The following FOSL1 variants were observed in gnomAD, a reference collection of about 807,000 sequenced individuals.
FOSL1 encodes the protein fos-related antigen 1.
A neutral mutation model predicts 24.9 loss-of-function variants in FOSL1; 14 were observed. The ratio of observed to expected loss-of-function variants is 0.56; its 90% confidence interval spans 0.37 to 0.88. FOSL1 has a LOEUF of 0.88. Among genes scored for constraint, FOSL1 ranks in the 40% least tolerant of loss-of-function variants. FOSL1 has a pLI of 0.00. For missense variants in FOSL1, 318 were observed against 359.8 expected (o/e 0.88, Z 0.94); for synonymous variants, 133 against 145.1 (o/e 0.92, Z 0.60).
chr11:65,893,892 C>T, intron 3 of FOSL1, 122 bp downstream of exon 3: 1 of 716,866 alleles, frequency 1.4e-6, no homozygotes, highest in Non-Finnish European at 2.5e-6. Flanking sequence ...ATCATTTTCC[C>T]AGAAGGACTG....
chr11:65,893,336 G>A (rs1860441249), intron 3 of FOSL1, 40 bp from the exon 4 acceptor site: 3 of 1,452,808 alleles, frequency 2.1e-6, no homozygotes, highest in Non-Finnish European at 1.8e-6. Context: ...GGTGAGGGCT[G>A]AATACCCCAG....
At chr11:65,898,725 G>T (rs999189298) in intron 1 of FOSL1, among the ~76,000 whole-genome samples, 1 of 152,190 alleles carries the variant, frequency 6.6e-6, no homozygotes, top group African/African-American at 2.4e-5. Context: ...TTGGGAGGCT[G>T]AGGTAGAAGG....
chr11:65,892,365 C>T lies in FOSL1; in HGVS notation c.*521G>A. Reference sequence around the variant, plus strand: ...CAAAGCTGAGATCCGCAGATCAGCTCATCACAGAAGCCAAGGGCGCCTCCT... The same window carrying T: ...CAAAGCTGAGATCCGCAGATCAGCTTATCACAGAAGCCAAGGGCGCCTCCT... On this transcript the variant is annotated 3_prime_UTR_variant, in exon 4 of 4. Transcript: ENST00000312562. 1 of 316,382 alleles carries T rather than the reference C, an allele frequency of 3.2e-6. No homozygotes were observed. The highest frequency in any genetic ancestry group is 2.5e-5 in the South Asian group (1 of 40,548). 19.6% of individuals were successfully genotyped at this position (316,382 alleles called of 1,614,324 possible). A position where few individuals can be genotyped will look rare whatever the true frequency, so the allele number is the denominator to read the frequency against.
intron 1 of FOSL1, among the ~76,000 whole-genome samples, chr11:65,899,110 A>G (rs1028994274): frequency 5.9e-5 from 9 of 152,100 alleles, no homozygotes; most frequent in Non-Finnish European, 7.4e-5. Context: ...CCCTGTTCCC[A>G]TTCTATCAGC....
At chr11:65,894,872 G>C (rs1180460994) in intron 2 of FOSL1, among the ~76,000 whole-genome samples, 1 of 151,884 alleles carries the variant, frequency 6.6e-6, no homozygotes, top group Middle Eastern at 3.2e-3. Flanking sequence ...GGCCAGGCTG[G>C]TCTTGAACTC....
chr11:65,893,321 A>G, intron 3 of FOSL1, 25 bp from the exon 4 acceptor site: 2 of 1,561,646 alleles, frequency 1.3e-6, no homozygotes, highest in South Asian at 2.3e-5. Flanking sequence ...GAGAGGAGTC[A>G]GAAAGGTGAG....
chr11:65,898,379 C>A (rs1270315578), intron 1 of FOSL1, among the ~76,000 whole-genome samples: 1 of 151,956 alleles, frequency 6.6e-6, no homozygotes, highest in African/African-American at 2.4e-5. Context: ...GAGACAGGGT[C>A]TCACTAGGTT....
chr11:65,900,543 GA>G, upstream of FOSL1: 2 of 385,964 alleles, frequency 5.2e-6, no homozygotes, highest in Non-Finnish European at 9.2e-6. Flanking sequence ...CGAACTTGGC[GA>G]CGCCTCCCCA....
At chr11:65,893,958 G>A in intron 3 of FOSL1, 56 bp downstream of exon 3, 1 of 1,220,880 alleles carries the variant, frequency 8.2e-7, no homozygotes. Context: ...CTGGGGCTCT[G>A]GGGGCTCTGG....
In FOSL1 at chr11:65,892,771, GAGA is replaced by G. The variant is rs1051568533; in HGVS notation, c.*112_*114del. ...TATGGTCAGTCTCATTAGAGGGATGGAGAAGAAGTTGCTGGAGTTGGATGTGGG... is the reference window on the plus strand; with the variant it reads ...TATGGTCAGTCTCATTAGAGGGATGGAGAAGTTGCTGGAGTTGGATGTGGG... On this transcript the variant is annotated 3_prime_UTR_variant, in exon 4 of 4. Transcript: ENST00000312562. The G allele has an allele frequency of 3.3e-5, 33 of 999,932 alleles. No homozygotes were observed. In the African/African-American group the frequency reaches 3.6e-4, roughly 11 times the overall value. The allele number at this position is 999,932 out of a possible 1,614,324, so 61.9% of individuals were successfully genotyped here. A position where few individuals can be genotyped will look rare whatever the true frequency, so the allele number is the denominator to read the frequency against.
chr11:65,897,956 G>A (rs1478862454), intron 1 of FOSL1, among the ~76,000 whole-genome samples: 2 of 150,062 alleles, frequency 1.3e-5, no homozygotes, highest in Non-Finnish European at 3.0e-5. Context: ...TGACCTGCGG[G>A]CTCAAGCAAT....
intron 2 of FOSL1, among the ~76,000 whole-genome samples, chr11:65,895,863 C>A (rs1180018939): frequency 6.6e-6 from 1 of 152,140 alleles, no homozygotes; most frequent in Non-Finnish European, 1.5e-5. Flanking sequence ...CCAAAATGCC[C>A]CAGGGAGAGG....
Position 65,894,072 on chromosome 11 carries a change from T to C in FOSL1, c.347A>G (p.Lys116Arg). 2 of 1,611,482 alleles carry C rather than the reference T, an allele frequency of 1.2e-6. No homozygotes were observed. Among genetic ancestry groups the C allele is most frequent in the Non-Finnish European group, 1.7e-6 (2 of 1,179,678 alleles). ...GTTCCTGCACTTGGCCGCAGCCAGC[T>C]TGTTCCGCTCGCGCCTTACTCGGCG... ...ERRRVRRERN[K>R]LAAAKCRNRR... The change falls in exon 3 of 4, where the codon AAG (lysine) becomes AGG (arginine). Residue 116 changes from lysine (K) to arginine (R), a missense_variant. Transcript: ENST00000312562.
In FOSL1 at chr11:65,900,268, G is replaced by A; in HGVS notation, c.72C>T (p.Pro24=). 1.6e-6 allele frequency: 2 copies of A among 1,244,230 alleles called. No individual in the cohort carries two copies. Among genetic ancestry groups the A allele is most frequent in the South Asian group, 3.4e-5 (1 of 29,502 alleles). 77.1% of individuals were successfully genotyped at this position (1,244,230 alleles called of 1,614,324 possible). A position where few individuals can be genotyped will look rare whatever the true frequency, so the allele number is the denominator to read the frequency against. The change falls in exon 1 of 4, where the codon CCC becomes CCT. Residue 24 remains proline (P), a synonymous_variant. Coordinates refer to ENST00000312562, the MANE Select transcript of FOSL1 (RefSeq NM_005438.5). ...GCTGGGCTGCCTGCGCTGCGGCCGG[G>A]GGCTGCGCGGGGCCGCCGTACCCGC... is the stretch of plus-strand genomic sequence containing the variant. ...NGGGYGGPAQ[P]PAAAQAAQQK...
intron 2 of FOSL1, among the ~76,000 whole-genome samples, chr11:65,894,371 C>G (rs950961463): frequency 6.6e-6 from 1 of 152,174 alleles, no homozygotes; most frequent in African/African-American, 2.4e-5. Flanking sequence ...CTCCGCAAAC[C>G]CTAACCCTCC....
At position 65,892,203 on chromosome 11, in the gene FOSL1, C is replaced by T. The variant is rs1363877301; in HGVS notation, c.*683G>A. 5.0e-6 allele frequency: 1 copy of T among 199,720 alleles called. No individual in the cohort carries two copies. The highest frequency in any genetic ancestry group is 5.4e-5 in the Admixed American group (1 of 18,414). 12.4% of individuals were successfully genotyped at this position (199,720 alleles called of 1,614,324 possible). On this transcript the variant is annotated 3_prime_UTR_variant, in exon 4 of 4. Transcript: ENST00000312562. ...AATACTCTCCCATTGGCCTCTGGGT[C>T]CAGTGAGGCACTCAGGCCACAGCTT... is the stretch of plus-strand genomic sequence containing the variant.
chr11:65,894,079 G>T lies in FOSL1; in HGVS notation c.340C>A (p.Arg114=). The T allele has an allele frequency of 6.2e-7, 1 of 1,610,792 alleles. No individual in the cohort carries two copies. The change falls in exon 3 of 4, where the codon CGG becomes AGG. Residue 114 remains arginine (R), a synonymous_variant. Transcript: ENST00000312562. ...CACTTGGCCGCAGCCAGCTTGTTCC[G>T]CTCGCGCCTTACTCGGCGGCGCTCC... ...EEERRRVRRE[R]NKLAAAKCRN... is the part of the protein sequence containing the mutation.
chr11:65,893,785 G>A (rs1437324947), intron 3 of FOSL1, among the ~76,000 whole-genome samples: 1 of 151,918 alleles, frequency 6.6e-6, no homozygotes, highest in Non-Finnish European at 1.5e-5. Context: ...GTGACAGAGC[G>A]AGACTCTGTC....
intron 2 of FOSL1, among the ~76,000 whole-genome samples, chr11:65,895,949 T>C (rs149114448): frequency 3.9e-5 from 6 of 152,344 alleles, no homozygotes; most frequent in African/African-American, 1.4e-4. Context: ...GAGCCAAGAA[T>C]TGTCAGTTCC....
Sources: gnomAD v4.1 joint callset for allele counts (sites outside exome capture counted in the v4.1 genomes callset) on GRCh38, gnomAD v4.1.1 for gene constraint, MANE v1.5 for transcripts, NCBI Gene and HGNC (gene_info 2026-07-23, HGNC 2026-07-21) for gene names.